Variants in ADAMTSL3 observed in about 807,000 individuals in gnomAD.
ADAMTSL3 encodes the protein ADAMTS-like protein 3.
A neutral mutation model predicts 201.7 loss-of-function variants in ADAMTSL3; 128 were observed. That is an observed-to-expected ratio of 0.63 (90% CI 0.55 to 0.73). The LOEUF is 0.73. Ranked by LOEUF, ADAMTSL3 falls within the 30% of genes least tolerant of loss-of-function variation. The pLI is 0.00. For synonymous variants in ADAMTSL3, 738 were observed against 748.4 expected (o/e 0.99, Z 0.23); for missense variants, 1,990 against 2,119.6 (o/e 0.94, Z 1.20).
chr15:83,828,499 C>T (rs955081745), intron 6 of ADAMTSL3, among the ~76,000 whole-genome samples: 10 of 152,176 alleles, frequency 6.6e-5, no homozygotes, highest in African/African-American at 2.4e-4. Flanking sequence ...TCCTCTTTTC[C>T]TAATTGAATA....
Position 84,037,713 on chromosome 15 carries a change from C to A in ADAMTSL3, c.4983C>A (p.Asp1661Glu). Residue 1661 changes from aspartate (D) to glutamate (E), a missense_variant, in exon 30 of 30, where the codon GAC (aspartate) becomes GAA (glutamate). Asp to Glu is a conservative substitution (Grantham distance 45). Coordinates refer to ENST00000286744, the MANE Select transcript of ADAMTSL3 (RefSeq NM_207517.3). ...TCTTTTTTGCAGGAGACTGCACAGA[C>A]ACAACTCACTACTGTATGTTTGTAA... The part of the protein sequence containing the change: ...LGPSCDRDCT[D>E]TTHYCMFVKH... The A allele has an allele frequency of 6.2e-7, 1 of 1,607,312 alleles. No homozygotes were observed. The highest frequency in any genetic ancestry group is 8.5e-7 in the Non-Finnish European group (1 of 1,178,188).
At chr15:83,669,715 G>A (rs1020268116) in intron 2 of ADAMTSL3, among the ~76,000 whole-genome samples, 2 of 151,444 alleles carry the variant, frequency 1.3e-5, no homozygotes, top group African/African-American at 2.4e-5. Flanking sequence ...TGATCTGTCC[G>A]CCTCGGCCTC....
chr15:83,786,229 A>C (rs1280598532), intron 4 of ADAMTSL3, among the ~76,000 whole-genome samples: 1 of 152,168 alleles, frequency 6.6e-6, no homozygotes, highest in African/African-American at 2.4e-5. Flanking sequence ...CACAGTCCTC[A>C]GACTTCCAAA....
intron 3 of ADAMTSL3, among the ~76,000 whole-genome samples, chr15:83,761,098 T>C (rs979490807): frequency 1.3e-5 from 2 of 152,126 alleles, no homozygotes; most frequent in Non-Finnish European, 2.9e-5. Context: ...TCTTTTCCCA[T>C]ATACATTAAT....
chr15:83,655,618 C>T (rs1475662528), intron 1 of ADAMTSL3, 111 bp from the exon 2 acceptor site: 1 of 775,204 alleles, frequency 1.3e-6, no homozygotes, highest in Non-Finnish European at 2.1e-6. Context: ...CAAACCTTTC[C>T]AAAATAGTAT....
chr15:83,869,608 G>A (rs764816140), intron 8 of ADAMTSL3, among the ~76,000 whole-genome samples: 3 of 152,184 alleles, frequency 2.0e-5, no homozygotes, highest in African/African-American at 4.8e-5. Context: ...TCCAGTGACA[G>A]AGAAAAATCC....
intron 3 of ADAMTSL3, among the ~76,000 whole-genome samples, chr15:83,716,839 A>G (rs1473245956): frequency 1.3e-5 from 2 of 152,138 alleles, no homozygotes; most frequent in African/African-American, 4.8e-5. Context: ...GTCCATTTGG[A>G]TGAATCCTTC....
intron 23 of ADAMTSL3, among the ~76,000 whole-genome samples, chr15:84,012,007 A>T (rs1231548329): frequency 6.6e-6 from 1 of 152,226 alleles, no homozygotes; most frequent in Non-Finnish European, 1.5e-5. Flanking sequence ...AACTTTCTGT[A>T]TGTGTATATG....
intron 19 of ADAMTSL3, among the ~76,000 whole-genome samples, chr15:83,945,388 A>C (rs2066635604): frequency 6.6e-6 from 1 of 152,162 alleles, no homozygotes; most frequent in Admixed American, 6.6e-5. Flanking sequence ...CTGTCTGGAG[A>C]GCTTTGTGTG....
intron 3 of ADAMTSL3, among the ~76,000 whole-genome samples, chr15:83,762,641 G>C (rs1158760132): frequency 6.6e-6 from 1 of 152,014 alleles, no homozygotes; most frequent in Non-Finnish European, 1.5e-5. Flanking sequence ...GGCCCTAAAG[G>C]CTCCACCCTC....
At chr15:83,948,143 A>T (rs2142052571) in intron 19 of ADAMTSL3, among the ~76,000 whole-genome samples, 1 of 152,312 alleles carries the variant, frequency 6.6e-6, no homozygotes, top group African/African-American at 2.4e-5. Flanking sequence ...GGATACATGG[A>T]TTTTAAAATA....
intron 9 of ADAMTSL3, among the ~76,000 whole-genome samples, chr15:83,871,517 C>G (rs1417048162): frequency 6.6e-6 from 1 of 152,226 alleles, no homozygotes; most frequent in Non-Finnish European, 1.5e-5. Flanking sequence ...CTTAAGGCGT[C>G]TTTACTTCGA....
At chr15:83,795,640 C>T (rs2063413518) in intron 4 of ADAMTSL3, among the ~76,000 whole-genome samples, 2 of 152,128 alleles carry the variant, frequency 1.3e-5, no homozygotes, top group African/African-American at 2.4e-5. Context: ...AAAAATTCCA[C>T]GTTGGAACAG....
chr15:83,693,237 G>C (rs981838555), intron 2 of ADAMTSL3, among the ~76,000 whole-genome samples: 1 of 152,208 alleles, frequency 6.6e-6, no homozygotes, highest in Non-Finnish European at 1.5e-5. Context: ...GCATATGTCG[G>C]TTGCACTGGT....
At position 84,031,442 on chromosome 15, in the gene ADAMTSL3, C is replaced by G. The variant is rs1250227537; in HGVS notation, c.4754+10C>G. On this transcript the variant is annotated intron_variant, in intron 28 of 29. Transcript: ENST00000286744. The stretch of plus-strand genomic sequence containing the variant: ...GTGATGACAGAAAGAGGTAGGGGCC[C>G]CACCCCAGAGCAGCACACATTCTCT... 1 of 1,613,410 alleles carries G rather than the reference C, an allele frequency of 6.2e-7. No individual in the cohort carries two copies. The highest frequency in any genetic ancestry group is 8.5e-7 in the Non-Finnish European group (1 of 1,179,572).
chr15:83,911,471 T>C (rs1364027632), intron 15 of ADAMTSL3, among the ~76,000 whole-genome samples: 1 of 152,226 alleles, frequency 6.6e-6, no homozygotes, highest in Non-Finnish European at 1.5e-5. Context: ...TTCTCGTCTT[T>C]AACCAGTCTC....
In ADAMTSL3 at chr15:83,970,766, T is replaced by C. The variant is rs2067182329; in HGVS notation, c.2644+129T>C. On this transcript the variant is annotated intron_variant, in intron 20 of 29. Transcript: ENST00000286744. ...AGGCAACTCAAGCTGTACTCAGTGT[T>C]GTTTTCGGCAGCGATCAGTAGAACG... 3.3e-6 allele frequency: 4 copies of C among 1,198,706 alleles called. No homozygotes were observed. In the East Asian group the frequency reaches 9.5e-5, roughly 29 times the overall value. 74.3% of individuals were successfully genotyped at this position (1,198,706 alleles called of 1,614,324 possible).
intron 4 of ADAMTSL3, among the ~76,000 whole-genome samples, chr15:83,795,154 G>A (rs1040371196): frequency 2.0e-4 from 30 of 151,830 alleles, no homozygotes; most frequent in African/African-American, 6.3e-4. Context: ...GTGCCCAGCC[G>A]ATCTACATTT....
chr15:83,813,798 C>G (rs1011740597), intron 5 of ADAMTSL3, among the ~76,000 whole-genome samples: 11 of 152,158 alleles, frequency 7.2e-5, no homozygotes, highest in African/African-American at 2.2e-4. Context: ...TAGCCAGAGA[C>G]TGGCCCCTGA....
Sources: gnomAD v4.1 joint callset for allele counts (sites outside exome capture counted in the v4.1 genomes callset) on GRCh38, gnomAD v4.1.1 for gene constraint, MANE v1.5 for transcripts, NCBI Gene and HGNC (gene_info 2026-07-23, HGNC 2026-07-21) for gene names.